OTUD5: variants seen among roughly 807,000 people sequenced by gnomAD.
OTUD5 encodes the protein OTU deubiquitinase 5.
OTUD5 carries 2 observed loss-of-function variants against 36.3 expected under a neutral mutation model. That is an observed-to-expected ratio of 0.06 (90% confidence interval 0.02 to 0.17). The LOEUF is 0.17. Ranked by LOEUF, OTUD5 falls within the 10% of genes least tolerant of loss-of-function variation. OTUD5 has a pLI of 1.00. For synonymous variants in OTUD5, 234 were observed against 214.9 expected, an observed-to-expected ratio of 1.09 and a Z score of -0.78; for missense variants, 233 against 512.3, an observed-to-expected ratio of 0.45 and a Z score of 5.26.
At chrX:48,933,947 A>G (rs1267704954) in intron 5 of OTUD5, among the ~76,000 whole-genome samples, 1 of 111,599 alleles carries the variant, frequency 9.0e-6, no homozygotes, top group Non-Finnish European at 1.9e-5. Flanking sequence ...ATCTATCGGT[A>G]TGTGCTGGGA....
intron 1 of OTUD5, among the ~76,000 whole-genome samples, chrX:48,951,487 C>T (rs985598658): frequency 1.8e-5 from 2 of 111,814 alleles, no homozygotes; most frequent in Admixed American, 9.4e-5. Context: ...AGGTGGCAGG[C>T]ACCTGTAGTT....
At chrX:48,924,625 C>T (rs1322472933) in intron 6 of OTUD5, among the ~76,000 whole-genome samples, 2 of 111,823 alleles carry the variant, frequency 1.8e-5, no homozygotes, top group African/African-American at 6.5e-5. Context: ...ACCGGCCTCC[C>T]TCTGGGCTGT....
chrX:48,935,812 G>A (rs1557049825), intron 2 of OTUD5, among the ~76,000 whole-genome samples: 1 of 108,778 alleles, frequency 9.2e-6, no homozygotes, highest in Non-Finnish European at 1.9e-5. Flanking sequence ...GGTGGCGGGC[G>A]CCTATAATCC....
At chrX:48,950,439 G>A (rs1371758423) in intron 1 of OTUD5, among the ~76,000 whole-genome samples, 1 of 110,298 alleles carries the variant, frequency 9.1e-6, no homozygotes, top group Non-Finnish European at 1.9e-5. Flanking sequence ...AGAGCTTCCA[G>A]AAGGAGTGTG....
At chrX:48,952,888 CTATCAAAGA>C (rs1467381176) in intron 1 of OTUD5, among the ~76,000 whole-genome samples, 1 of 112,024 alleles carries the variant, frequency 8.9e-6, no homozygotes, top group Non-Finnish European at 1.9e-5. Flanking sequence ...AGGGCCTTTG[CTATCAAAGA>C]TAGGTTACTA....
chrX:48,930,939 G>A (rs1185656843), intron 5 of OTUD5, among the ~76,000 whole-genome samples: 2 of 106,295 alleles, frequency 1.9e-5, no homozygotes, highest in African/African-American at 7.0e-5. Flanking sequence ...TCCAGCCTGG[G>A]CAACAAGAGC....
chrX:48,940,959 T>C (rs1602402429), intron 2 of OTUD5, among the ~76,000 whole-genome samples: 1 of 111,206 alleles, frequency 9.0e-6, no homozygotes, highest in Non-Finnish European at 1.9e-5. Flanking sequence ...TAGGACCCTA[T>C]AGGAAGATAA....
intron 5 of OTUD5, among the ~76,000 whole-genome samples, chrX:48,928,156 A>G (rs188226571): frequency 8.9e-6 from 1 of 112,494 alleles, no homozygotes; most frequent in African/African-American, 3.2e-5. Flanking sequence ...GGAACTTCCA[A>G]ATCATTATGG....
intron 1 of OTUD5, among the ~76,000 whole-genome samples, chrX:48,954,186 C>T (rs1557054571): frequency 9.0e-6 from 1 of 110,734 alleles, no homozygotes; most frequent in Non-Finnish European, 1.9e-5. Context: ...GTCTTGAACT[C>T]CAGGGCTCAA....
chrX:48,922,938 G>A lies in OTUD5; in HGVS notation c.*236C>T, dbSNP rs896045715. Reference sequence around the variant, plus strand: ...GTGGAATGCAGGGATGGTTCTGTGCGGGATGGGGTGGGGGGCAACAGGGCA... The same window carrying A: ...GTGGAATGCAGGGATGGTTCTGTGCAGGATGGGGTGGGGGGCAACAGGGCA... On this transcript the variant is annotated 3_prime_UTR_variant, in exon 9 of 9. Coordinates refer to ENST00000376488, the MANE Select transcript of OTUD5 (RefSeq NM_001136157.2). 8.7e-6 allele frequency: 9 copies of A among 1,035,816 alleles called. No individual in the cohort carries two copies. Among genetic ancestry groups the A allele is most frequent in the Non-Finnish European group, 1.1e-5 (9 of 809,549 alleles). 85.4% of individuals were successfully genotyped at this position (1,035,816 alleles called of 1,213,427 possible).
chrX:48,927,799 G>A (rs1557048026), intron 5 of OTUD5, among the ~76,000 whole-genome samples: 1 of 111,542 alleles, frequency 9.0e-6, no homozygotes, highest in Non-Finnish European at 1.9e-5. Context: ...CCCAAAGGCT[G>A]GGGGATGGGC....
At chrX:48,932,441 C>T (rs1005275550) in intron 5 of OTUD5, among the ~76,000 whole-genome samples, 7 of 110,185 alleles carry the variant, frequency 6.4e-5, no homozygotes, top group Admixed American at 2.9e-4. Context: ...TCTCCTGCCT[C>T]GGCCTCCCAA....
chrX:48,924,517 G>A (rs1287764736), intron 6 of OTUD5, among the ~76,000 whole-genome samples: 1 of 111,754 alleles, frequency 8.9e-6, no homozygotes, highest in Non-Finnish European at 1.9e-5. Flanking sequence ...GCCTCTCTGA[G>A]AGTAAATGCC....
chrX:48,930,297 C>G (rs1415661595), intron 5 of OTUD5, among the ~76,000 whole-genome samples: 4 of 111,008 alleles, frequency 3.6e-5, no homozygotes, highest in African/African-American at 9.8e-5. Context: ...TTCTGCTACG[C>G]GTGTATATGG....
At chrX:48,949,254 T>A (rs887650574) in intron 1 of OTUD5, among the ~76,000 whole-genome samples, 1 of 111,667 alleles carries the variant, frequency 9.0e-6, no homozygotes, top group Non-Finnish European at 1.9e-5. Flanking sequence ...TACCTTATAA[T>A]GAAAAAGGTA....
intron 1 of OTUD5, among the ~76,000 whole-genome samples, chrX:48,946,085 C>T (rs1557052344): frequency 1.8e-5 from 2 of 111,121 alleles, no homozygotes; most frequent in Non-Finnish European, 3.8e-5. Context: ...TAGGGGCCCA[C>T]CTATCCGTAA....
chrX:48,940,949 T>C (rs1168970616), intron 2 of OTUD5: 1 of 111,020 alleles, frequency 9.0e-6, no homozygotes, highest in African/African-American at 3.3e-5. Context: ...AAGCAAATGG[T>C]AGGACCCTAT....
intron 6 of OTUD5, among the ~76,000 whole-genome samples, chrX:48,925,314 G>A (rs782553105): frequency 9.8e-6 from 1 of 102,131 alleles, no homozygotes; most frequent in Non-Finnish European, 2.0e-5. Flanking sequence ...GCTCCTGCCA[G>A]CCAACATCTA....
intron 1 of OTUD5, among the ~76,000 whole-genome samples, chrX:48,953,165 G>A (rs1379555581): frequency 1.8e-5 from 2 of 111,694 alleles, no homozygotes; most frequent in African/African-American, 6.5e-5. Context: ...TTGCTCCAAA[G>A]CCCAAACTCC....
Sources: gnomAD v4.1 joint callset for allele counts (sites outside exome capture counted in the v4.1 genomes callset) on GRCh38, gnomAD v4.1.1 for gene constraint, MANE v1.5 for transcripts, NCBI Gene and HGNC (gene_info 2026-07-23, HGNC 2026-07-21) for gene names.